Variants in RPL18 observed in about 807,000 individuals in gnomAD.
The protein encoded by RPL18 is ribosomal protein L18.
A neutral mutation model predicts 25.0 loss-of-function variants in RPL18; 4 were observed. The ratio of observed to expected loss-of-function variants is 0.16; its 90% CI spans 0.08 to 0.37. The LOEUF (loss-of-function observed/expected upper bound fraction) is 0.37, where lower values mean the gene tolerates loss of function less well. RPL18 is among the 10% of genes least tolerant of loss of function. The probability of loss-of-function intolerance (pLI) is 1.00; values close to 1 mark genes in which losing one functional copy is unlikely to be tolerated. For missense variants in RPL18, 179 were observed against 267.9 expected, an observed-to-expected ratio of 0.67 and a Z score of 2.32; for synonymous variants, 129 against 101.6, an observed-to-expected ratio of 1.27 and a Z score of -1.62.
At chr19:48,617,285 G>C in intron 3 of RPL18, 31 bp downstream of exon 3, 1 of 1,548,898 alleles carries the variant, frequency 6.5e-7, no homozygotes, top group Non-Finnish European at 8.9e-7. Flanking sequence ...CGGCTCCCAG[G>C]TCTACCGTGC....
intron 1 of RPL18, chr19:48,618,544 C>A (rs1293776616): frequency 6.4e-6 from 1 of 156,796 alleles, no homozygotes; most frequent in Non-Finnish European, 1.4e-5. Context: ...AATAGCTCCA[C>A]TTATGCAGCA....
At chr19:48,617,292 G>A (rs776137330) in intron 3 of RPL18, 24 bp downstream of exon 3, 56 of 1,581,018 alleles carry the variant, frequency 3.5e-5, no homozygotes, top group South Asian at 1.8e-4. Flanking sequence ...CAGGTCTACC[G>A]TGCTCTCTGG....
At chr19:48,615,836 TGA>T (rs769150722) in intron 6 of RPL18, 39 bp downstream of exon 6, 37 of 1,555,328 alleles carry the variant, frequency 2.4e-5, no homozygotes, top group Non-Finnish European at 2.7e-5. Flanking sequence ...CCCTGCAGGC[TGA>T]GTCTGGGGAG....
At chr19:48,615,635 C>T in intron 6 of RPL18, 188 bp from the exon 7 acceptor site, 1 of 655,606 alleles carries the variant, frequency 1.5e-6, no homozygotes, top group East Asian at 2.7e-5. Flanking sequence ...CCTGGAGGGT[C>T]CCAGCCTGGG....
rs2147658757 is a variant in RPL18, at chr19:48,618,082, C to A, written c.4-205G>T. 6.0e-6 allele frequency: 3 copies of A among 504,176 alleles called. No homozygotes were observed. The East Asian group carries it at 9.8e-5, about 17-fold the overall frequency. The allele number at this position is 504,176 out of a possible 1,614,324, so 31.2% of individuals were successfully genotyped here. ...TACAAAGCCTTCAGCCCATGGCACACAGAACCCTGAAACATCGTAACACAG... is the reference window on the plus strand; with the variant it reads ...TACAAAGCCTTCAGCCCATGGCACAAAGAACCCTGAAACATCGTAACACAG... On this transcript the variant is annotated intron_variant, in intron 1 of 6. Transcript: ENST00000549920.
chr19:48,617,186 C>T (rs758262835), intron 3 of RPL18, 130 bp downstream of exon 3: 11 of 810,236 alleles, frequency 1.4e-5, no homozygotes, highest in African/African-American at 3.4e-5. Context: ...CCAAGCTCTA[C>T]GCTCGCGACT....
At chr19:48,616,042 C>CA (rs1206573758) in intron 5 of RPL18, 37 bp downstream of exon 5, 1 of 1,613,822 alleles carries the variant, frequency 6.2e-7, no homozygotes, top group African/African-American at 1.3e-5. Flanking sequence ...AGTAGCCACA[C>CA]AGCTCAGTCC....
chr19:48,615,839 G>GT (rs1345318769), intron 6 of RPL18, 38 bp downstream of exon 6: 1 of 1,561,452 alleles, frequency 6.4e-7, no homozygotes, highest in Non-Finnish European at 8.7e-7. Context: ...TGCAGGCTGA[G>GT]TCTGGGGAGA....
In RPL18 at chr19:48,617,437, A is replaced by C; in HGVS notation, c.91-14T>G. Reference sequence around the variant, plus strand: ...AAACCTGTATAACTGGAGGGACGGGAAGACAGTGAGAAGCTGGGACAGCCT... The same window carrying C: ...AAACCTGTATAACTGGAGGGACGGGCAGACAGTGAGAAGCTGGGACAGCCT... On this transcript the variant is annotated splice_polypyrimidine_tract_variant and intron_variant, in intron 2 of 6. Coordinates refer to ENST00000549920, the MANE Select transcript of RPL18 (RefSeq NM_000979.4). The C allele has an allele frequency of 6.3e-7, 1 of 1,596,672 alleles. No homozygotes were observed. The highest frequency in any genetic ancestry group is 8.6e-7 in the Non-Finnish European group (1 of 1,164,486).
intron 2 of RPL18, 66 bp from the exon 3 acceptor site, chr19:48,617,489 G>A (rs984489994): frequency 3.5e-6 from 4 of 1,142,776 alleles, no homozygotes; most frequent in Non-Finnish European, 5.3e-6. Flanking sequence ...CCAGTGAAGG[G>A]GCAAACACAT....
In RPL18 at chr19:48,617,433, C is replaced by G. The variant is rs370317720; in HGVS notation, c.91-10G>C. On this transcript the variant is annotated splice_polypyrimidine_tract_variant and intron_variant, in intron 2 of 6. Coordinates refer to ENST00000549920, the MANE Select transcript of RPL18 (RefSeq NM_000979.4). ...CCAGAAACCTGTATAACTGGAGGGA[C>G]GGGAAGACAGTGAGAAGCTGGGACA... The G allele has an allele frequency of 1.2e-5, 19 of 1,603,826 alleles. No individual in the cohort carries two copies. Among genetic ancestry groups the G allele is most frequent in the Non-Finnish European group, 1.6e-5 (19 of 1,171,014 alleles).
intron 1 of RPL18, 28 bp from the exon 2 acceptor site, chr19:48,617,905 C>A: frequency 6.7e-7 from 1 of 1,500,884 alleles, no homozygotes; most frequent in South Asian, 1.1e-5. Context: ...CAACCATGGA[C>A]CCAATTACCC....
At chr19:48,616,554 C>T in intron 4 of RPL18, 172 bp downstream of exon 4, 1 of 715,748 alleles carries the variant, frequency 1.4e-6, no homozygotes, top group Non-Finnish European at 2.5e-6. Flanking sequence ...CCACCATCAA[C>T]CATGCCAGAG....
Position 48,617,337 on chromosome 19 carries a change from C to T in RPL18, c.177G>A (p.Pro59=), listed in dbSNP as rs528955511. The T allele has an allele frequency of 1.7e-5, 28 of 1,614,092 alleles. No homozygotes were observed. Among genetic ancestry groups the T allele is most frequent in the African/African-American group, 6.7e-5 (5 of 75,032 alleles). The stretch of plus-strand genomic sequence containing the variant: ...TCACCATCCGGGAAAGGGACAGAGG[C>T]GGCCGGTTGGTGCGACTCATAAACA... ...KRLFMSRTNR[P]PLSLSRMIRK... The change falls in exon 3 of 7, where the codon CCG becomes CCA. Residue 59 remains proline (P), a synonymous_variant. Coordinates refer to ENST00000549920, the MANE Select transcript of RPL18 (RefSeq NM_000979.4).
rs1424865802 is a variant in RPL18 at position 48,616,767 on chromosome 19, T to C, written c.256A>G (p.Ile86Val). 4 of 1,614,068 alleles carry C rather than the reference T, an allele frequency of 2.5e-6. No homozygotes were observed. The South Asian group carries it at 3.3e-5, about 13-fold the overall frequency. The change falls in exon 4 of 7, where the codon ATA becomes GTA. Residue 86 changes from isoleucine (I) to valine (V), a missense_variant. Physicochemically the swap from Ile to Val is conservative, Grantham distance 29. Coordinates refer to ENST00000549920, the MANE Select transcript of RPL18 (RefSeq NM_000979.4). ...TCCTGAACCCGCACATCATCAGTTA[T>C]GGTCCCCACAACCACGGCCGTCTTG... ...ENKTAVVVGT[I>V]TDDVRVQEVP... is the part of the protein sequence containing the mutation.
rs749282951 is a variant in RPL18 at position 48,616,058 on chromosome 19, C to T, written c.421+21G>A. The T allele has an allele frequency of 2.5e-5, 40 of 1,613,974 alleles. No homozygotes were observed. Among genetic ancestry groups the T allele is most frequent in the East Asian group, 8.9e-5 (4 of 44,896 alleles). On this transcript the variant is annotated intron_variant, in intron 5 of 6. Coordinates refer to ENST00000549920, the MANE Select transcript of RPL18 (RefSeq NM_000979.4). ...GTAGCCACACAGCTCAGTCCAAACC[C>T]GTCGACCACGTATCACTCACCGGAG...
rs1316564205 is a variant in RPL18 at position 48,617,815 on chromosome 19, A to G, written c.66T>C (p.Asp22=). ...CCTTGACCAACAGCCTCAGGTAGAT[A>G]TCCTGGCTCTTGGGCTCCTTGCGCC... is the stretch of plus-strand genomic sequence containing the variant. The part of the protein sequence containing the change: ...KVRRKEPKSQ[D]IYLRLLVKLY... The change falls in exon 2 of 7, where the codon GAT becomes GAC. Residue 22 remains aspartate (D), a synonymous_variant. Transcript: ENST00000549920. 1.9e-6 allele frequency: 3 copies of G among 1,614,152 alleles called. No individual in the cohort carries two copies. Among genetic ancestry groups the G allele is most frequent in the Admixed American group, 3.3e-5 (2 of 60,024 alleles).
At chr19:48,616,957 C>T (rs1241630933) in intron 3 of RPL18, 133 bp from the exon 4 acceptor site, 3 of 732,160 alleles carry the variant, frequency 4.1e-6, no homozygotes, top group Non-Finnish European at 4.9e-6. Context: ...TTAAACCCCA[C>T]AGGCCTCTCC....
In RPL18 at chr19:48,615,463, G is replaced by T. The variant is rs140651178; in HGVS notation, c.492-16C>A. 1.9e-6 allele frequency: 3 copies of T among 1,601,796 alleles called. No homozygotes were observed. The highest frequency in any genetic ancestry group is 1.7e-5 in the Admixed American group (1 of 58,706). On this transcript the variant is annotated splice_polypyrimidine_tract_variant and intron_variant, in intron 6 of 6. Coordinates refer to ENST00000549920, the MANE Select transcript of RPL18 (RefSeq NM_000979.4). ...GACGTAGGGTCTGTGGGGAGAGGAG[G>T]GAGTGAGAGGGGGGCCCTCTTAAAG...
Sources: gnomAD v4.1 joint callset for allele counts on GRCh38, gnomAD v4.1.1 for gene constraint, MANE v1.5 for transcripts, NCBI Gene and HGNC (gene_info 2026-07-23, HGNC 2026-07-21) for gene names.